Variants in DACH2 observed in about 807,000 individuals in gnomAD.
The protein encoded by DACH2 is dachshund family transcription factor 2, also known as dachshund homolog 2.
A neutral mutation model predicts 35.8 loss-of-function variants in DACH2; 17 were observed. The observed-to-expected ratio is 0.48, with a 90% CI of 0.33 to 0.71. The LOEUF is 0.71. DACH2 is among the 30% of genes least tolerant of loss of function. The pLI is 0.02. For missense variants in DACH2, 469 were observed against 472.7 expected (o/e 0.99, Z 0.07); for synonymous variants, 195 against 177.3 (o/e 1.10, Z -0.79).
At chrX:86,222,413 C>T (rs1462190909) in intron 1 of DACH2, among the ~76,000 whole-genome samples, 2 of 112,002 alleles carry the variant, frequency 1.8e-5, no homozygotes, top group Admixed American at 1.9e-4. Context: ...TCTAGCTTAA[C>T]AGCAGCACAT....
chrX:86,520,070 C>T lies in DACH2; in HGVS notation c.640+5679C>T, dbSNP rs145505075. On this transcript the variant is annotated intron_variant, in intron 3 of 11. Transcript: ENST00000373125. ...GTATGAATTTTCCTCTTAATACCGC[C>T]TTAGCTTTGTCCCAGAGATTCTGGT... Among the ~76,000 whole-genome samples, 845 of 111,396 alleles carry T rather than the reference C, an allele frequency of 7.6e-3. 11 individuals carry two copies. Among genetic ancestry groups the T allele is most frequent in the African/African-American group, 0.026 (812 of 30,674 alleles).
chrX:86,827,786 C>T, intron 11 of DACH2: 1 of 1,166,370 alleles, frequency 8.6e-7, no homozygotes, highest in Non-Finnish European at 1.1e-6. Context: ...GATGCCGGAA[C>T]TCCAACTGAT....
intron 3 of DACH2, among the ~76,000 whole-genome samples, chrX:86,595,336 C>T (rs1017869845): frequency 1.8e-5 from 2 of 111,113 alleles, no homozygotes; most frequent in African/African-American, 6.5e-5. Context: ...TGTTCTCAAA[C>T]TTTTGGCCTC....
chrX:86,688,041 T>TAA (rs71709871), intron 4 of DACH2, among the ~76,000 whole-genome samples: 8 of 109,140 alleles, frequency 7.3e-5, no homozygotes, highest in African/African-American at 2.7e-4. Flanking sequence ...TAAAGTATAA[T>TAA]AAAAAAAAAG....
At chrX:86,669,901 T>G (rs1004001749) in intron 4 of DACH2, among the ~76,000 whole-genome samples, 7 of 107,161 alleles carry the variant, frequency 6.5e-5, no homozygotes, top group Non-Finnish European at 9.7e-5. Flanking sequence ...TAGCATTAGG[T>G]TTTTTTTTTA....
At chrX:86,196,526 A>G (rs189762723) in intron 1 of DACH2, among the ~76,000 whole-genome samples, 1 of 107,920 alleles carries the variant, frequency 9.3e-6, no homozygotes, top group African/African-American at 3.4e-5. Context: ...CCCCATCTCT[A>G]GTAAAAATAC....
intron 1 of DACH2, among the ~76,000 whole-genome samples, chrX:86,335,704 T>C (rs2035295083): frequency 8.9e-6 from 1 of 111,774 alleles, no homozygotes; most frequent in Admixed American, 9.6e-5. Flanking sequence ...ACAGAGACAA[T>C]TTGACTTCCT....
At chrX:86,390,249 G>T (rs934774462) in intron 2 of DACH2, among the ~76,000 whole-genome samples, 1 of 111,951 alleles carries the variant, frequency 8.9e-6, no homozygotes, top group East Asian at 2.8e-4. Context: ...GCTAAAATTG[G>T]ACAGATTTGT....
chrX:86,239,343 C>T (rs2033120217), intron 1 of DACH2, among the ~76,000 whole-genome samples: 1 of 111,207 alleles, frequency 9.0e-6, no homozygotes, highest in Admixed American at 9.6e-5. Context: ...GCAGAAGCCC[C>T]CCTTTTTACC....
intron 3 of DACH2, among the ~76,000 whole-genome samples, chrX:86,590,518 C>T (rs1397403083): frequency 8.9e-6 from 1 of 111,886 alleles, no homozygotes; most frequent in Non-Finnish European, 1.9e-5. Context: ...AATGAAGCTG[C>T]TGTATATATT....
chrX:86,270,040 T>TA (rs200988575), intron 1 of DACH2, among the ~76,000 whole-genome samples: 1,959 of 79,364 alleles, frequency 0.025, 21 homozygotes, highest in South Asian at 0.032. Flanking sequence ...TATATATATA[T>TA]TTTTTTTTTT....
At chrX:86,320,670 A>T (rs912659248) in intron 1 of DACH2, among the ~76,000 whole-genome samples, 1 of 112,605 alleles carries the variant, frequency 8.9e-6, no homozygotes, top group Non-Finnish European at 1.9e-5. Flanking sequence ...TGTGGTTTGC[A>T]GGAGGCAGGC....
chrX:86,534,236 T>G (rs746779787), intron 3 of DACH2, among the ~76,000 whole-genome samples: 5 of 111,708 alleles, frequency 4.5e-5, no homozygotes, highest in Admixed American at 9.6e-5. Flanking sequence ...TGAAGCTTTA[T>G]CATAGTATGG....
chrX:86,669,771 A>G (rs137969130), intron 4 of DACH2, among the ~76,000 whole-genome samples: 71 of 111,633 alleles, frequency 6.4e-4, no homozygotes, highest in Middle Eastern at 9.3e-3. Flanking sequence ...TAAGAACACA[A>G]TGTAATTAGA....
At chrX:86,401,330 G>T (rs1024231262) in intron 2 of DACH2, among the ~76,000 whole-genome samples, 2 of 112,136 alleles carry the variant, frequency 1.8e-5, no homozygotes, top group Admixed American at 9.4e-5. Flanking sequence ...CACTTCCCGG[G>T]TGAGGTGATG....
At chrX:86,509,144 T>A (rs921038713) in intron 2 of DACH2, among the ~76,000 whole-genome samples, 1 of 111,820 alleles carries the variant, frequency 8.9e-6, no homozygotes, top group Non-Finnish European at 1.9e-5. Context: ...CTGGTGTTGA[T>A]GCTCTTAGTA....
intron 2 of DACH2, among the ~76,000 whole-genome samples, chrX:86,460,983 T>A (rs2037562461): frequency 9.0e-6 from 1 of 111,554 alleles, no homozygotes; most frequent in Admixed American, 9.6e-5. Flanking sequence ...ACTGACTCTT[T>A]ACAAGTCTAG....
intron 1 of DACH2, among the ~76,000 whole-genome samples, chrX:86,294,734 G>C (rs1356278540): frequency 1.8e-5 from 2 of 110,181 alleles, no homozygotes; most frequent in Non-Finnish European, 3.8e-5. Flanking sequence ...AGGCTGCTCA[G>C]GGGTCAGGGG....
chrX:86,362,099 C>T (rs1010110442), intron 1 of DACH2, among the ~76,000 whole-genome samples: 2 of 111,153 alleles, frequency 1.8e-5, no homozygotes, highest in South Asian at 3.7e-4. Flanking sequence ...ATTACTGTCC[C>T]TCTTCACTCA....
Sources: gnomAD v4.1 joint callset for allele counts (sites outside exome capture counted in the v4.1 genomes callset) on GRCh38, gnomAD v4.1.1 for gene constraint, MANE v1.5 for transcripts, NCBI Gene and HGNC (gene_info 2026-07-23, HGNC 2026-07-21) for gene names.